Variants in SDCCAG8 observed in about 807,000 individuals in gnomAD.
The protein encoded by SDCCAG8 is serologically defined colon cancer antigen 8.
SDCCAG8 carries 74 observed loss-of-function variants against 101.8 expected under a neutral mutation model. That is an observed-to-expected ratio of 0.73 (90% CI 0.60 to 0.88). The LOEUF (loss-of-function observed/expected upper bound fraction) is 0.88, where lower values mean the gene tolerates loss of function less well. SDCCAG8 is among the 40% of genes least tolerant of loss of function. The probability of loss-of-function intolerance (pLI) is 0.00; values close to 1 mark genes in which losing one functional copy is unlikely to be tolerated. For synonymous variants in SDCCAG8, 281 were observed against 292.9 expected, an observed-to-expected ratio of 0.96 and a Z score of 0.41; for missense variants, 787 against 822.6, an observed-to-expected ratio of 0.96 and a Z score of 0.53.
At chr1:243,492,043 G>C (rs1361098801) in intron 17 of SDCCAG8, among the ~76,000 whole-genome samples, 2 of 152,124 alleles carry the variant, frequency 1.3e-5, no homozygotes, top group Non-Finnish European at 2.9e-5. Context: ...TGCCCCTGGT[G>C]GTGGGGCTCA....
Position 243,421,513 on chromosome 1 carries a change from G to A in SDCCAG8, c.1853+3437G>A, listed in dbSNP as rs565053478. 2.0e-5 allele frequency among the ~76,000 whole-genome samples: 3 copies of A among 152,316 alleles called. No individual in the cohort carries two copies. In the South Asian group the frequency reaches 6.2e-4, roughly 32 times the overall value. On this transcript the variant is annotated intron_variant, in intron 15 of 17. Coordinates refer to ENST00000366541, the MANE Select transcript of SDCCAG8 (RefSeq NM_006642.5). ...AAGTCGCATTATGGCAGTGACGACTGCTTCTGTTTTCTGGAAGCCTCCATA... is the reference window on the plus strand; with the variant it reads ...AAGTCGCATTATGGCAGTGACGACTACTTCTGTTTTCTGGAAGCCTCCATA...
intron 13 of SDCCAG8, among the ~76,000 whole-genome samples, chr1:243,397,605 GCC>G (rs66479269): frequency 0.42 from 63,726 of 151,938 alleles, 15,841 homozygotes; most frequent in East Asian, 0.81. Flanking sequence ...TAGAATAGAT[GCC>G]GTTGGTTGCT....
intron 5 of SDCCAG8, among the ~76,000 whole-genome samples, chr1:243,291,337 A>G (rs2070242528): frequency 6.6e-6 from 1 of 152,356 alleles, no homozygotes; most frequent in South Asian, 2.1e-4. Context: ...CAACTCAGGC[A>G]TGTTTGGTTT....
intron 13 of SDCCAG8, among the ~76,000 whole-genome samples, chr1:243,394,756 C>T (rs2078932481): frequency 6.6e-6 from 1 of 152,080 alleles, no homozygotes; most frequent in South Asian, 2.1e-4. Flanking sequence ...ATGTGAGTGA[C>T]ATCAGCTCTT....
chr1:243,486,223 A>AC (rs1664793178), intron 16 of SDCCAG8, among the ~76,000 whole-genome samples: 1 of 151,950 alleles, frequency 6.6e-6, no homozygotes, highest in Non-Finnish European at 1.5e-5. Context: ...AAAAAAAAAA[A>AC]AAAAAAATCT....
intron 10 of SDCCAG8, among the ~76,000 whole-genome samples, chr1:243,334,643 G>A (rs1266765834): frequency 1.5e-4 from 23 of 152,130 alleles, no homozygotes. Flanking sequence ...CCAGGCTGGA[G>A]CTCAGTGGGG....
chr1:243,465,899 C>T (rs1034637833), intron 16 of SDCCAG8, among the ~76,000 whole-genome samples: 2 of 152,070 alleles, frequency 1.3e-5, no homozygotes, highest in Non-Finnish European at 1.5e-5. Context: ...TCCTGGTGTA[C>T]CACAGGCAGA....
At chr1:243,314,270 T>G (rs775021104) in intron 8 of SDCCAG8, among the ~76,000 whole-genome samples, 2 of 152,200 alleles carry the variant, frequency 1.3e-5, no homozygotes, top group Non-Finnish European at 2.9e-5. Flanking sequence ...TGTAATCGTT[T>G]TGTGGTCTCA....
chr1:243,362,894 G>A (rs1393647238), intron 12 of SDCCAG8, among the ~76,000 whole-genome samples: 1 of 152,148 alleles, frequency 6.6e-6, no homozygotes, highest in Non-Finnish European at 1.5e-5. Flanking sequence ...AACCCCTCAT[G>A]GCACGCATCT....
At position 243,266,054 on chromosome 1, in the gene SDCCAG8, G is replaced by A. The variant is rs182807766; in HGVS notation, c.68-4051G>A. On this transcript the variant is annotated intron_variant, in intron 1 of 17. Transcript: ENST00000366541. ...CAACAAAAATTTTTTATTGTAAATTGACAATTTATAATTGTATAAATTTAT... is the reference window on the plus strand; with the variant it reads ...CAACAAAAATTTTTTATTGTAAATTAACAATTTATAATTGTATAAATTTAT... Among the ~76,000 whole-genome samples the A allele has an allele frequency of 1.2e-3, 180 of 152,082 alleles. 2 individuals are homozygous for A. Among genetic ancestry groups the A allele is most frequent in the African/African-American group, 4.1e-3 (169 of 41,506 alleles).
intron 16 of SDCCAG8, among the ~76,000 whole-genome samples, chr1:243,428,456 G>T (rs770836313): frequency 6.6e-6 from 1 of 152,132 alleles, no homozygotes; most frequent in African/African-American, 2.4e-5. Context: ...AAACAACACA[G>T]ATTTGAACTG....
chr1:243,261,068 C>G (rs1005418988), intron 1 of SDCCAG8, among the ~76,000 whole-genome samples: 3 of 152,190 alleles, frequency 2.0e-5, no homozygotes, highest in African/African-American at 7.2e-5. Flanking sequence ...ATGATGGAGT[C>G]AGTGGAAGAC....
intron 13 of SDCCAG8, among the ~76,000 whole-genome samples, chr1:243,415,100 G>A (rs953975219): frequency 1.9e-4 from 29 of 152,132 alleles, no homozygotes; most frequent in African/African-American, 6.0e-4. Flanking sequence ...GACCCACGAG[G>A]GATTTTATTA....
chr1:243,413,885 CA>C (rs2080371188), intron 13 of SDCCAG8, among the ~76,000 whole-genome samples: 1 of 152,126 alleles, frequency 6.6e-6, no homozygotes, highest in African/African-American at 2.4e-5. Context: ...CTTTTTCTAA[CA>C]CGTCTGAAAA....
chr1:243,445,732 C>T (rs1163727491), intron 16 of SDCCAG8, among the ~76,000 whole-genome samples: 1 of 152,184 alleles, frequency 6.6e-6, no homozygotes, highest in Non-Finnish European at 1.5e-5. Flanking sequence ...TGGGAAACAG[C>T]CTTCATGCAG....
At chr1:243,475,237 A>G (rs1391127061) in intron 16 of SDCCAG8, among the ~76,000 whole-genome samples, 1 of 152,182 alleles carries the variant, frequency 6.6e-6, no homozygotes, top group African/African-American at 2.4e-5. Context: ...AACACAACCA[A>G]GAGACGGACA....
intron 10 of SDCCAG8, among the ~76,000 whole-genome samples, chr1:243,335,947 A>G (rs2074977854): frequency 6.6e-6 from 1 of 152,178 alleles, no homozygotes; most frequent in Non-Finnish European, 1.5e-5. Flanking sequence ...ACTTGCGTCC[A>G]TGTTCCTGCC....
chr1:243,421,926 C>T (rs2081035630), intron 15 of SDCCAG8, among the ~76,000 whole-genome samples: 1 of 152,154 alleles, frequency 6.6e-6, no homozygotes, highest in African/African-American at 2.4e-5. Context: ...TCTCTCCCCA[C>T]GCGCTTAGAT....
intron 1 of SDCCAG8, among the ~76,000 whole-genome samples, chr1:243,256,555 A>G (rs1222798634): frequency 1.3e-5 from 2 of 152,234 alleles, no homozygotes; most frequent in Admixed American, 6.5e-5. Flanking sequence ...ATACGTTGCT[A>G]TTTAATCCAA....
Sources: allele counts gnomAD v4.1 joint callset (sites outside exome capture counted in the v4.1 genomes callset), GRCh38; gene constraint gnomAD v4.1.1; transcripts MANE v1.5; gene names NCBI Gene and HGNC (gene_info 2026-07-23, HGNC 2026-07-21).